HDAC4: variants seen among roughly 807,000 people sequenced by gnomAD.
HDAC4 encodes histone deacetylase A.
A neutral mutation model predicts 135.1 loss-of-function variants in HDAC4; 16 were observed. The ratio of observed to expected loss-of-function variants is 0.12; its 90% CI spans 0.08 to 0.18. The LOEUF is 0.18. Ranked by LOEUF, HDAC4 falls within the 10% of genes least tolerant of loss-of-function variation. The probability of loss-of-function intolerance (pLI) is 1.00; values close to 1 mark genes in which losing one functional copy is unlikely to be tolerated. For synonymous variants in HDAC4, 685 were observed against 653.4 expected (o/e 1.05, Z -0.74); for missense variants, 1,143 against 1,511.8 (o/e 0.76, Z 4.05).
intron 12 of HDAC4, among the ~76,000 whole-genome samples, chr2:239,123,102 G>T (rs1431123008): frequency 6.6e-6 from 1 of 152,210 alleles, no homozygotes. Context: ...AGAGTACCCG[G>T]TTTCTAAATC....
At position 239,059,820 on chromosome 2, in the gene HDAC4, G is replaced by A. The variant is rs1465991795; in HGVS notation, c.3004-4987C>T. ...GAGCACAGCTCTCCTGGGGGCCTTG[G>A]ACCCATCCACCAGCCTGCAGGACAG... is the stretch of plus-strand genomic sequence containing the variant. On this transcript the variant is annotated intron_variant, in intron 24 of 26. Coordinates refer to ENST00000543185, the MANE Select transcript of HDAC4 (RefSeq NM_001378414.1). 2.6e-5 allele frequency among the ~76,000 whole-genome samples: 4 copies of A among 152,030 alleles called. No individual in the cohort carries two copies. In the East Asian group the frequency reaches 5.8e-4, roughly 22 times the overall value.
chr2:239,305,113 C>G (rs537854220), intron 2 of HDAC4, among the ~76,000 whole-genome samples: 4 of 152,320 alleles, frequency 2.6e-5, no homozygotes, highest in South Asian at 4.1e-4. Context: ...TGGGCACACA[C>G]AGGAGGCTCA....
At chr2:239,276,205 C>T (rs2050351960) in intron 2 of HDAC4, among the ~76,000 whole-genome samples, 1 of 152,240 alleles carries the variant, frequency 6.6e-6, no homozygotes, top group African/African-American at 2.4e-5. Flanking sequence ...GTTAGAGCAG[C>T]TGCACCAGTC....
intron 2 of HDAC4, among the ~76,000 whole-genome samples, chr2:239,249,620 A>C (rs2048666490): frequency 6.6e-6 from 1 of 152,176 alleles, no homozygotes; most frequent in Non-Finnish European, 1.5e-5. Flanking sequence ...AATTTGTGTC[A>C]ATGGTTCAAA....
chr2:239,230,544 C>A (rs73098745), intron 3 of HDAC4, among the ~76,000 whole-genome samples: 24 of 152,156 alleles, frequency 1.6e-4, no homozygotes, highest in South Asian at 1.0e-3. Flanking sequence ...TCACGGCAGG[C>A]GCCGCCAGGA....
chr2:239,254,488 G>T (rs2048951278), intron 2 of HDAC4, among the ~76,000 whole-genome samples: 1 of 151,520 alleles, frequency 6.6e-6, no homozygotes, highest in Admixed American at 6.6e-5. Context: ...TGGGAGATGA[G>T]AAGTTTTTAA....
At chr2:239,327,427 G>A (rs377527322) in intron 2 of HDAC4, among the ~76,000 whole-genome samples, 98 of 152,382 alleles carry the variant, frequency 6.4e-4, no homozygotes, top group African/African-American at 2.3e-3. Context: ...GGTGTCCAGC[G>A]AGTGAAACTC....
chr2:239,072,408 C>T (rs2034290491), intron 22 of HDAC4, among the ~76,000 whole-genome samples: 1 of 152,192 alleles, frequency 6.6e-6, no homozygotes, highest in African/African-American at 2.4e-5. Flanking sequence ...CTCACCAAGC[C>T]CTTGTGTGAG....
intron 24 of HDAC4, 44 bp from the exon 25 acceptor site, chr2:239,054,877 C>T (rs765284956): frequency 4.6e-6 from 6 of 1,305,940 alleles, no homozygotes; most frequent in East Asian, 2.3e-5. Flanking sequence ...CAATATAATC[C>T]ACACGTGCGT....
chr2:239,138,697 G>A (rs2041140331), intron 9 of HDAC4, among the ~76,000 whole-genome samples: 1 of 152,138 alleles, frequency 6.6e-6, no homozygotes, highest in South Asian at 2.1e-4. Flanking sequence ...CTTCTTCCCC[G>A]TGCTCTGGGG....
chr2:239,276,800 A>G (rs2050395294), intron 2 of HDAC4, among the ~76,000 whole-genome samples: 1 of 152,224 alleles, frequency 6.6e-6, no homozygotes, highest in African/African-American at 2.4e-5. Context: ...CGGCAGAGGG[A>G]GGCCAGGGGG....
intron 2 of HDAC4, among the ~76,000 whole-genome samples, chr2:239,325,157 G>T (rs985053027): frequency 3.9e-5 from 6 of 152,140 alleles, no homozygotes; most frequent in Admixed American, 2.6e-4. Flanking sequence ...AACACAGGGG[G>T]TTAGTCTTCA....
At chr2:239,118,406 T>C (rs536962965) in intron 12 of HDAC4, among the ~76,000 whole-genome samples, 28 of 152,128 alleles carry the variant, frequency 1.8e-4, no homozygotes, top group African/African-American at 5.8e-4. Context: ...CCATCGGCAG[T>C]GTGGGAACCA....
intron 18 of HDAC4, among the ~76,000 whole-genome samples, chr2:239,089,029 C>T (rs1017775779): frequency 6.6e-5 from 10 of 152,162 alleles, no homozygotes; most frequent in African/African-American, 2.2e-4. Context: ...GCTAATGGTT[C>T]AGTTAAACAA....
intron 2 of HDAC4, among the ~76,000 whole-genome samples, chr2:239,317,332 G>A (rs531791858): frequency 8.5e-4 from 75 of 88,480 alleles, no homozygotes; most frequent in African/African-American, 3.2e-3. Context: ...GTGGGTGCAG[G>A]GGCCGATCTA....
chr2:239,276,890 T>C (rs2050399798), intron 2 of HDAC4, among the ~76,000 whole-genome samples: 1 of 152,202 alleles, frequency 6.6e-6, no homozygotes, highest in Non-Finnish European at 1.5e-5. Context: ...CAACACTGTC[T>C]GTCACCGTGC....
chr2:239,054,042 G>A (rs2031360885), intron 25 of HDAC4, among the ~76,000 whole-genome samples: 1 of 152,014 alleles, frequency 6.6e-6, no homozygotes, highest in Non-Finnish European at 1.5e-5. Flanking sequence ...TGGGGGTGGA[G>A]GGGTACTGCG....
intron 18 of HDAC4, 28 bp downstream of exon 18, chr2:239,089,981 G>A (rs949544056): frequency 1.3e-6 from 2 of 1,511,842 alleles, no homozygotes; most frequent in African/African-American, 2.7e-5. Flanking sequence ...CCTCCTGGAG[G>A]GCCACCACTG....
chr2:239,295,301 C>T (rs368912486), intron 2 of HDAC4, among the ~76,000 whole-genome samples: 7 of 91,196 alleles, frequency 7.7e-5, no homozygotes, highest in African/African-American at 3.1e-4. Flanking sequence ...AGCAAGACTC[C>T]GTCTCAAAAA....
Sources: gnomAD v4.1 joint callset for allele counts (sites outside exome capture counted in the v4.1 genomes callset) on GRCh38, gnomAD v4.1.1 for gene constraint, MANE v1.5 for transcripts, NCBI Gene and HGNC (gene_info 2026-07-23, HGNC 2026-07-21) for gene names.